The following MPPED2 variants were observed in gnomAD, a reference collection of about 807,000 sequenced individuals.
The protein encoded by MPPED2 is metallophosphoesterase domain containing 2.
A neutral mutation model predicts 33.0 loss-of-function variants in MPPED2; 5 were observed. That is an observed-to-expected ratio of 0.15 (90% CI 0.08 to 0.32). MPPED2 has a LOEUF of 0.32. Ranked by LOEUF, MPPED2 falls within the 10% of genes least tolerant of loss-of-function variation. The probability of loss-of-function intolerance (pLI) is 1.00; values close to 1 mark genes in which losing one functional copy is unlikely to be tolerated. For synonymous variants in MPPED2, 136 were observed against 141.9 expected (o/e 0.96, Z 0.29); for missense variants, 275 against 372.1 (o/e 0.74, Z 2.15).
chr11:30,452,015 C>G (rs1043497606), intron 4 of MPPED2: 1 of 985,308 alleles, frequency 1.0e-6, no homozygotes, highest in Non-Finnish European at 1.2e-6. Context: ...CCATTTCCTG[C>G]CTCTTCTCAT....
chr11:30,384,412 T>A (rs1324610181), downstream of MPPED2: 1 of 152,088 alleles, frequency 6.6e-6, no homozygotes, highest in Non-Finnish European at 1.5e-5. Flanking sequence ...TGAGGAGGAT[T>A]TTTTTTAATT....
chr11:30,545,074 G>A (rs1387318716), intron 2 of MPPED2, among the ~76,000 whole-genome samples: 2 of 152,170 alleles, frequency 1.3e-5, no homozygotes, highest in African/African-American at 4.8e-5. Flanking sequence ...GATTTGAAAG[G>A]CCAGCGGGAT....
intron 4 of MPPED2, among the ~76,000 whole-genome samples, chr11:30,461,621 G>A (rs2134005002): frequency 6.6e-6 from 1 of 152,198 alleles, no homozygotes; most frequent in African/African-American, 2.4e-5. Flanking sequence ...ATAAAAAGAT[G>A]GAGACTTGCC....
intron 4 of MPPED2, chr11:30,452,219 C>T (rs1466298427): frequency 2.7e-6 from 1 of 364,138 alleles, no homozygotes; most frequent in Non-Finnish European, 3.8e-6. Context: ...ACTCTGGCTG[C>T]ACTGACCCCT....
At chr11:30,539,002 G>A (rs1284567957) in intron 2 of MPPED2, among the ~76,000 whole-genome samples, 1 of 152,118 alleles carries the variant, frequency 6.6e-6, no homozygotes, top group African/African-American at 2.4e-5. Context: ...GAGCTCATAG[G>A]AAGAAGACAT....
At chr11:30,413,113 A>G (rs750935154) in intron 6 of MPPED2, among the ~76,000 whole-genome samples, 1 of 152,224 alleles carries the variant, frequency 6.6e-6, no homozygotes, top group Admixed American at 6.5e-5. Context: ...CTCAGCTGGT[A>G]CCTGCCCTTG....
chr11:30,514,156 A>G (rs530293742), intron 3 of MPPED2, among the ~76,000 whole-genome samples: 5 of 152,318 alleles, frequency 3.3e-5, no homozygotes, highest in African/African-American at 1.2e-4. Flanking sequence ...AAACTTATTC[A>G]TAGACCCAGG....
chr11:30,582,238 G>C (rs543427205), intron 1 of MPPED2, among the ~76,000 whole-genome samples: 1 of 151,968 alleles, frequency 6.6e-6, no homozygotes, highest in African/African-American at 2.4e-5. Context: ...CTGCATAATT[G>C]CGTCGCGCTG....
At chr11:30,451,013 C>A (rs1950035264) in intron 4 of MPPED2, among the ~76,000 whole-genome samples, 2 of 152,154 alleles carry the variant, frequency 1.3e-5, no homozygotes, top group African/African-American at 4.8e-5. Context: ...TCTGTGAGCA[C>A]AATTGTATCA....
intron 4 of MPPED2, among the ~76,000 whole-genome samples, chr11:30,494,526 T>C (rs1417551795): frequency 6.6e-6 from 1 of 151,622 alleles, no homozygotes; most frequent in East Asian, 1.9e-4. Flanking sequence ...TCACCTGAGG[T>C]CAGGAGTTCA....
intron 4 of MPPED2, among the ~76,000 whole-genome samples, chr11:30,438,559 T>A (rs944946304): frequency 6.6e-6 from 1 of 152,172 alleles, no homozygotes; most frequent in African/African-American, 2.4e-5. Flanking sequence ...TGCATCATGG[T>A]AAAAAATAGG....
In MPPED2 at chr11:30,404,912, G is replaced by A. The variant is rs1324541915; in HGVS notation, c.766+9316C>T. 4.6e-5 allele frequency among the ~76,000 whole-genome samples: 7 copies of A among 152,230 alleles called. No individual in the cohort carries two copies. The South Asian group carries it at 8.3e-4, about 18-fold the overall frequency. Reference sequence around the variant, plus strand: ...ATAGTGATTAATTCATTAAGAAGGTGTTTCTTCAGACCTAGATGCTGGGAA... The same window carrying A: ...ATAGTGATTAATTCATTAAGAAGGTATTTCTTCAGACCTAGATGCTGGGAA... On this transcript the variant is annotated intron_variant, in intron 6 of 6. Coordinates refer to the MPPED2 transcript ENST00000448418.
chr11:30,393,861 A>G (rs1436266312), intron 6 of MPPED2, among the ~76,000 whole-genome samples: 1 of 152,210 alleles, frequency 6.6e-6, no homozygotes, highest in Non-Finnish European at 1.5e-5. Flanking sequence ...TTAACACAGT[A>G]TAGATTTGTG....
At chr11:30,507,503 T>C (rs1211639909) in intron 3 of MPPED2, among the ~76,000 whole-genome samples, 1 of 152,218 alleles carries the variant, frequency 6.6e-6, no homozygotes, top group Non-Finnish European at 1.5e-5. Flanking sequence ...AAATTGATTC[T>C]TCCCATTTTA....
intron 3 of MPPED2, among the ~76,000 whole-genome samples, chr11:30,525,264 A>G (rs1954102416): frequency 6.6e-6 from 1 of 152,224 alleles, no homozygotes. Flanking sequence ...CTTAGAATAT[A>G]CACAAATAAT....
intron 3 of MPPED2, among the ~76,000 whole-genome samples, chr11:30,516,152 T>G (rs996477059): frequency 1.3e-5 from 2 of 152,150 alleles, no homozygotes; most frequent in African/African-American, 4.8e-5. Context: ...AGGGAGCCAC[T>G]TTAGATTGAT....
intron 4 of MPPED2, among the ~76,000 whole-genome samples, chr11:30,458,077 G>A (rs1950357435): frequency 1.3e-5 from 2 of 152,142 alleles, no homozygotes. Context: ...TCTCATGTGG[G>A]CTCTTTCAAA....
chr11:30,388,887 G>T (rs747052655), exon 7 of MPPED2: 1 of 1,560,292 alleles, frequency 6.4e-7, no homozygotes, highest in Non-Finnish European at 8.7e-7. Flanking sequence ...GTTTCCTCTA[G>T]ACTAGGAAGT....
At chr11:30,429,623 C>T (rs1170007906) in intron 4 of MPPED2, among the ~76,000 whole-genome samples, 2 of 152,184 alleles carry the variant, frequency 1.3e-5, no homozygotes, top group African/African-American at 2.4e-5. Flanking sequence ...GCACCTTCTA[C>T]TGCAAAACTC....
Sources: gnomAD v4.1 joint callset for allele counts (sites outside exome capture counted in the v4.1 genomes callset) on GRCh38, gnomAD v4.1.1 for gene constraint, MANE v1.5 for transcripts, NCBI Gene and HGNC (gene_info 2026-07-23, HGNC 2026-07-21) for gene names.